The following CLECL1 variants were observed in gnomAD, a reference collection of about 807,000 sequenced individuals.
CLECL1 encodes the protein C-type lectin-like domain family 1.
downstream of CLECL1, among the ~76,000 whole-genome samples, chr12:9,719,029 G>A (rs1324428161): frequency 6.6e-6 from 1 of 152,088 alleles, no homozygotes; most frequent in African/African-American, 2.4e-5. Flanking sequence ...GTTGAAAGTT[G>A]TACATCTTCA....
chr12:9,727,020 G>C (rs1274623497), intron 3 of CLECL1, among the ~76,000 whole-genome samples: 1 of 151,394 alleles, frequency 6.6e-6, no homozygotes, highest in Non-Finnish European at 1.5e-5. Flanking sequence ...ATTGTTTCTG[G>C]ATGTTATAAA....
chr12:9,704,949 A>G, the CLECL1 span, among the ~76,000 whole-genome samples: 4 of 152,232 alleles, frequency 2.6e-5, no homozygotes, highest in African/African-American at 9.7e-5. Context: ...GCTGGGTCGA[A>G]TAGTAGTGCT....
At chr12:9,728,041 CTGGT>C (rs1866400501) in intron 2 of CLECL1, among the ~76,000 whole-genome samples, 2 of 151,680 alleles carry the variant, frequency 1.3e-5, no homozygotes, top group Admixed American at 6.6e-5. Flanking sequence ...CAGGTGTCAC[CTGGT>C]TGATGTTTTG....
chr12:9,708,101 G>T, the CLECL1 span, among the ~76,000 whole-genome samples: 60,578 of 151,940 alleles, frequency 0.4, 13,034 homozygotes, highest in East Asian at 0.59. Context: ...GGAAGCTGGG[G>T]CAGTAACCAG....
intron 3 of CLECL1, among the ~76,000 whole-genome samples, chr12:9,725,317 T>C (rs16927513): frequency 0.027 from 4,040 of 152,210 alleles, 88 homozygotes; most frequent in Admixed American, 0.048. Context: ...TGCTTACAAA[T>C]TAAGTTCATA....
At chr12:9,708,894 C>T in the CLECL1 span, 1 of 265,256 alleles carries the variant, frequency 3.8e-6, no homozygotes, top group East Asian at 9.8e-5. Flanking sequence ...GTTCTCTTCA[C>T]CACTTCCAGC....
chr12:9,715,413 G>T (rs1045084887), downstream of CLECL1, among the ~76,000 whole-genome samples: 3 of 152,162 alleles, frequency 2.0e-5, no homozygotes, highest in East Asian at 1.9e-4. Flanking sequence ...ATCATGGGAG[G>T]TTCAAAGGGG....
intron 2 of CLECL1, among the ~76,000 whole-genome samples, chr12:9,728,948 A>AC (rs5796363): frequency 0.9 from 136,862 of 151,924 alleles, 61,688 homozygotes; most frequent in East Asian, 0.97. Flanking sequence ...CACTGCATTG[A>AC]CTTTTCTAGG....
chr12:9,716,974 G>T (rs980723476), intron 2 of CLECL1, among the ~76,000 whole-genome samples: 1 of 152,134 alleles, frequency 6.6e-6, no homozygotes, highest in African/African-American at 2.4e-5. Flanking sequence ...GCTCCAGCAG[G>T]GTCTGAATCC....
intron 1 of CLECL1, among the ~76,000 whole-genome samples, chr12:9,731,310 C>G (rs1591720869): frequency 6.6e-6 from 1 of 152,314 alleles, no homozygotes; most frequent in East Asian, 1.9e-4. Context: ...TATCAAGCAT[C>G]TATTAATTTC....
chr12:9,729,456 T>C (rs1006584121), intron 2 of CLECL1, among the ~76,000 whole-genome samples: 2 of 152,188 alleles, frequency 1.3e-5, no homozygotes, highest in Admixed American at 1.3e-4. Flanking sequence ...TAATTTTAGT[T>C]GTGTATCAAA....
At chr12:9,733,027 C>A in exon 1 of CLECL1, 2 of 1,614,150 alleles carry the variant, frequency 1.2e-6, no homozygotes, top group Non-Finnish European at 8.5e-7. Flanking sequence ...ACATCTCCAG[C>A]CATTGCACAG....
intron 1 of CLECL1, among the ~76,000 whole-genome samples, chr12:9,731,008 C>T (rs1009425912): frequency 5.3e-5 from 8 of 152,024 alleles, no homozygotes; most frequent in Non-Finnish European, 7.4e-5. Context: ...ACTAATATGA[C>T]GAACTGAAAT....
chr12:9,713,554 A>G (rs916834613), downstream of CLECL1, among the ~76,000 whole-genome samples: 5 of 152,212 alleles, frequency 3.3e-5, no homozygotes, highest in African/African-American at 1.2e-4. Flanking sequence ...GGTACTGAGT[A>G]TAAAACAATA....
At chr12:9,709,729 C>T in the CLECL1 span, among the ~76,000 whole-genome samples, 1 of 152,110 alleles carries the variant, frequency 6.6e-6, no homozygotes, top group Non-Finnish European at 1.5e-5. Context: ...AATGGCATCC[C>T]AATGATGAGA....
chr12:9,709,347 C>G, the CLECL1 span: 9 of 152,502 alleles, frequency 5.9e-5, no homozygotes, highest in African/African-American at 1.7e-4. Context: ...TCACTTGCCC[C>G]CTCCTAGAAA....
chr12:9,722,001 A>T (rs1428100864), downstream of CLECL1, among the ~76,000 whole-genome samples: 1 of 152,204 alleles, frequency 6.6e-6, no homozygotes, highest in African/African-American at 2.4e-5. Context: ...GCGCATGTTC[A>T]ACCAGGTTTG....
At chr12:9,709,302 G>C in the CLECL1 span, 1 of 152,452 alleles carries the variant, frequency 6.6e-6, no homozygotes, top group African/African-American at 2.4e-5. Flanking sequence ...TGCTCCTCCA[G>C]GTCTATCCCA....
At chr12:9,718,656 G>A (rs765741333), downstream of CLECL1, 15 of 683,208 alleles carry the variant, frequency 2.2e-5, no homozygotes, top group Non-Finnish European at 3.7e-5. Flanking sequence ...GGCCATTGCG[G>A]TGGGCCCTAA....
Sources: gnomAD v4.1 joint callset for allele counts (sites outside exome capture counted in the v4.1 genomes callset) on GRCh38, gnomAD v4.1.1 for gene constraint, MANE v1.5 for transcripts, NCBI Gene and HGNC (gene_info 2026-07-23, HGNC 2026-07-21) for gene names.